Variants in INPP4B observed in about 807,000 individuals in gnomAD.
The protein encoded by INPP4B is inositol polyphosphate-4-phosphatase type II B.
INPP4B carries 55 observed loss-of-function variants against 122.5 expected under a neutral mutation model. The observed-to-expected ratio is 0.45, with a 90% confidence interval of 0.36 to 0.56. The LOEUF (loss-of-function observed/expected upper bound fraction) is 0.56, where lower values mean the gene tolerates loss of function less well. Ranked by LOEUF, INPP4B falls within the 20% of genes least tolerant of loss-of-function variation. The probability of loss-of-function intolerance (pLI) is 0.00; values close to 1 mark genes in which losing one functional copy is unlikely to be tolerated. For synonymous variants in INPP4B, 403 were observed against 388.7 expected, an observed-to-expected ratio of 1.04 and a Z score of -0.43; for missense variants, 1,000 against 1,097.7, an observed-to-expected ratio of 0.91 and a Z score of 1.26.
At chr4:142,286,184 A>G (rs1753583390) in intron 9 of INPP4B, among the ~76,000 whole-genome samples, 1 of 152,212 alleles carries the variant, frequency 6.6e-6, no homozygotes, top group Admixed American at 6.5e-5. Context: ...GTGGGAATAA[A>G]TCAAATGTCC....
intron 1 of INPP4B, among the ~76,000 whole-genome samples, chr4:142,777,404 C>T (rs140598889): frequency 4.4e-4 from 67 of 152,158 alleles, no homozygotes; most frequent in African/African-American, 1.4e-3. Context: ...TGTGGGTGGC[C>T]TCTAGTAGCT....
Position 142,209,041 on chromosome 4 carries a change from A to G in INPP4B, c.837-15T>C, listed in dbSNP as rs776050633. ...TCTCCTGGTTTCTGTTAAGAGTGGA[A>G]GAGAAGAGAAACTTTATTTTTATCT... On this transcript the variant is annotated splice_polypyrimidine_tract_variant and intron_variant, in intron 12 of 25. Transcript: ENST00000262992. 1.0e-5 allele frequency: 16 copies of G among 1,576,910 alleles called. No individual in the cohort carries two copies. The South Asian group carries it at 1.8e-4, about 17-fold the overall frequency.
intron 12 of INPP4B, among the ~76,000 whole-genome samples, chr4:142,211,890 G>C (rs1333877085): frequency 2.6e-5 from 4 of 152,158 alleles, no homozygotes; most frequent in Admixed American, 2.6e-4. Flanking sequence ...TTCCATGGCA[G>C]TTGCTACTGG....
intron 8 of INPP4B, among the ~76,000 whole-genome samples, chr4:142,306,344 G>A (rs965884461): frequency 4.0e-5 from 6 of 150,964 alleles, no homozygotes; most frequent in Admixed American, 1.3e-4. Flanking sequence ...ATGAAAAAGA[G>A]CTCTCATTCT....
intron 25 of INPP4B, among the ~76,000 whole-genome samples, chr4:142,068,593 C>T (rs944817524): frequency 9.9e-5 from 15 of 152,094 alleles, no homozygotes; most frequent in African/African-American, 2.7e-4. Context: ...ACCCATCTCA[C>T]GTGCAGAGAC....
intron 2 of INPP4B, among the ~76,000 whole-genome samples, chr4:142,657,033 G>A (rs1204290159): frequency 6.6e-6 from 1 of 152,174 alleles, no homozygotes; most frequent in African/African-American, 2.4e-5. Flanking sequence ...TCCTGTCTGA[G>A]GGGATGAGCC....
intron 2 of INPP4B, among the ~76,000 whole-genome samples, chr4:142,527,980 A>T (rs2149968505): frequency 6.6e-6 from 1 of 152,186 alleles, no homozygotes; most frequent in Middle Eastern, 3.4e-3. Flanking sequence ...AAGATGTACT[A>T]GTAGACCTTG....
At chr4:142,137,343 T>C (rs1403204239) in intron 18 of INPP4B, among the ~76,000 whole-genome samples, 5 of 139,144 alleles carry the variant, frequency 3.6e-5, no homozygotes, top group African/African-American at 1.4e-4. Flanking sequence ...TGTAGAAAGC[T>C]GAAACTGGAT....
intron 2 of INPP4B, among the ~76,000 whole-genome samples, chr4:142,573,646 T>C (rs1258219766): frequency 6.6e-6 from 1 of 152,098 alleles, no homozygotes; most frequent in Non-Finnish European, 1.5e-5. Context: ...GATTGGGCCA[T>C]ATTAGTTTGG....
intron 1 of INPP4B, among the ~76,000 whole-genome samples, chr4:142,748,336 G>A (rs377028279): frequency 8.4e-4 from 128 of 151,950 alleles, no homozygotes; most frequent in African/African-American, 3.0e-3. Flanking sequence ...ATGAAAAAAG[G>A]AAGAGCAATT....
At chr4:142,290,787 TG>T (rs1331088016) in intron 9 of INPP4B, among the ~76,000 whole-genome samples, 2 of 152,122 alleles carry the variant, frequency 1.3e-5, no homozygotes, top group Non-Finnish European at 2.9e-5. Flanking sequence ...GGACGTGGTA[TG>T]TATGACCAAA....
chr4:142,512,304 C>T (rs187072448), intron 2 of INPP4B, among the ~76,000 whole-genome samples: 3 of 152,282 alleles, frequency 2.0e-5, no homozygotes, highest in African/African-American at 7.2e-5. Context: ...ATCACAGTTC[C>T]TACCCTCATC....
At chr4:142,439,109 C>T (rs1811162932) in intron 3 of INPP4B, among the ~76,000 whole-genome samples, 1 of 152,132 alleles carries the variant, frequency 6.6e-6, no homozygotes. Flanking sequence ...CTCCAAGGTC[C>T]TCAGGGAAGC....
chr4:142,038,361 T>G (rs1745269264), intron 25 of INPP4B, among the ~76,000 whole-genome samples: 1 of 152,158 alleles, frequency 6.6e-6, no homozygotes, highest in South Asian at 2.1e-4. Context: ...ATATATTATG[T>G]TAATCACAGG....
At chr4:142,030,021 T>C (rs1738793095) in intron 25 of INPP4B, 1 of 1,378,366 alleles carries the variant, frequency 7.3e-7, no homozygotes, top group African/African-American at 1.4e-5. Flanking sequence ...CAATTTAACA[T>C]TTTTTAAATT....
chr4:142,686,311 A>T (rs1361751656), intron 2 of INPP4B, among the ~76,000 whole-genome samples: 1 of 152,146 alleles, frequency 6.6e-6, no homozygotes, highest in Non-Finnish European at 1.5e-5. Context: ...AGAAACGCTG[A>T]TTCTAATAAC....
At chr4:142,669,706 C>A (rs1478325403) in intron 2 of INPP4B, among the ~76,000 whole-genome samples, 1 of 152,144 alleles carries the variant, frequency 6.6e-6, no homozygotes, top group African/African-American at 2.4e-5. Context: ...TATAAAACTA[C>A]TTGAAGAAAA....
chr4:142,081,203 T>C (rs1356662878), intron 25 of INPP4B, among the ~76,000 whole-genome samples: 1 of 152,180 alleles, frequency 6.6e-6, no homozygotes, highest in Admixed American at 6.6e-5. Context: ...AGAAGCAGCC[T>C]TCTCCAGTGA....
At chr4:142,752,701 T>A (rs1342306696) in intron 1 of INPP4B, among the ~76,000 whole-genome samples, 1 of 152,066 alleles carries the variant, frequency 6.6e-6, no homozygotes, top group Non-Finnish European at 1.5e-5. Flanking sequence ...TCACATAGCA[T>A]CGTATTTTAC....
Sources: gnomAD v4.1 joint callset for allele counts (sites outside exome capture counted in the v4.1 genomes callset) on GRCh38, gnomAD v4.1.1 for gene constraint, MANE v1.5 for transcripts, NCBI Gene and HGNC (gene_info 2026-07-23, HGNC 2026-07-21) for gene names.